Variants in GRIK2 observed in about 807,000 individuals in gnomAD.
GRIK2 encodes the protein glutamate ionotropic receptor kainate type subunit 2, also known as glutamate receptor ionotropic, kainate 2.
In GRIK2, 32 loss-of-function variants were observed where a neutral mutation model predicts 100.3. The observed-to-expected ratio is 0.32, with a 90% CI of 0.24 to 0.43. The LOEUF (loss-of-function observed/expected upper bound fraction) is 0.43, where lower values mean the gene tolerates loss of function less well. Among genes scored for constraint, GRIK2 ranks in the 20% least tolerant of loss-of-function variants. The pLI, the probability that GRIK2 is intolerant of heterozygous loss-of-function variation, is 1.00. For synonymous variants in GRIK2, 417 were observed against 389.4 expected, an observed-to-expected ratio of 1.07 and a Z score of -0.83; for missense variants, 843 against 1,114.9, an observed-to-expected ratio of 0.76 and a Z score of 3.47.
At chr6:101,611,716 ACTC>A (rs1474044659) in intron 2 of GRIK2, among the ~76,000 whole-genome samples, 1 of 151,230 alleles carries the variant, frequency 6.6e-6, no homozygotes, top group Non-Finnish European at 1.5e-5. Context: ...GAGACCAGAC[ACTC>A]CTCCTCGCCT....
In GRIK2 at chr6:101,467,869, C is replaced by T. The variant is rs536079632; in HGVS notation, c.115+68477C>T. On this transcript the variant is annotated intron_variant, in intron 2 of 16. Transcript: ENST00000369134. ...ATTTATAAATACCCAGTGTGGGCTGCTTTCATAGTCCTTCCTTATTTTTTT... is the reference window on the plus strand; with the variant it reads ...ATTTATAAATACCCAGTGTGGGCTGTTTTCATAGTCCTTCCTTATTTTTTT... Among the ~76,000 whole-genome samples, 15 of 146,690 alleles carry T rather than the reference C, an allele frequency of 1.0e-4. 1 individual carries two copies. In the South Asian group the frequency reaches 3.3e-3, roughly 32 times the overall value.
intron 2 of GRIK2, among the ~76,000 whole-genome samples, chr6:101,518,937 A>G (rs1774729352): frequency 6.6e-6 from 1 of 152,184 alleles, no homozygotes; most frequent in Non-Finnish European, 1.5e-5. Flanking sequence ...TGTTACATTT[A>G]TAGATGCATT....
At chr6:101,824,408 A>G (rs1456828822) in intron 10 of GRIK2, among the ~76,000 whole-genome samples, 1 of 152,124 alleles carries the variant, frequency 6.6e-6, no homozygotes, top group Non-Finnish European at 1.5e-5. Flanking sequence ...TTCCTGAGTT[A>G]CTTCACTTAG....
chr6:101,705,947 C>T lies in GRIK2; in HGVS notation c.951+19594C>T, dbSNP rs557600289. ...TGTAAGGAGACATGCAGATTTTAATCTTCTTGTTGCTACTGTATTAAATAT... is the reference window on the plus strand; with the variant it reads ...TGTAAGGAGACATGCAGATTTTAATTTTCTTGTTGCTACTGTATTAAATAT... On this transcript the variant is annotated intron_variant, in intron 7 of 16. Transcript: ENST00000369134. Among the ~76,000 whole-genome samples the T allele has an allele frequency of 5.1e-4, 78 of 151,984 alleles. 1 individual carries two copies. The South Asian group carries it at 0.015, about 30-fold the overall frequency.
chr6:102,063,365 A>G (rs1771849496), intron 16 of GRIK2, among the ~76,000 whole-genome samples: 1 of 150,842 alleles, frequency 6.6e-6, no homozygotes, highest in South Asian at 2.1e-4. Flanking sequence ...TGAAAGTAAC[A>G]TATTTTATGA....
chr6:101,946,432 G>A (rs1300806770), intron 14 of GRIK2, among the ~76,000 whole-genome samples: 3 of 152,042 alleles, frequency 2.0e-5, no homozygotes, highest in Non-Finnish European at 4.4e-5. Context: ...ACAGGAGGCT[G>A]AGGTGGGAGG....
intron 2 of GRIK2, among the ~76,000 whole-genome samples, chr6:101,530,145 T>C (rs2128284399): frequency 6.6e-6 from 1 of 152,172 alleles, no homozygotes; most frequent in Admixed American, 6.6e-5. Flanking sequence ...AAATAACATT[T>C]TTTAAACCTG....
chr6:101,802,695 G>T (rs879901546), intron 9 of GRIK2, among the ~76,000 whole-genome samples: 6 of 151,774 alleles, frequency 4.0e-5, no homozygotes, highest in African/African-American at 1.4e-4. Flanking sequence ...TGCATATAAT[G>T]TTAATTAGTC....
At chr6:101,958,379 A>G (rs1044864569) in intron 14 of GRIK2, among the ~76,000 whole-genome samples, 5 of 151,626 alleles carry the variant, frequency 3.3e-5, no homozygotes, top group Non-Finnish European at 5.9e-5. Context: ...TTGATTTTGT[A>G]TCCTGTAACT....
At chr6:101,572,686 T>C (rs1217852161) in intron 2 of GRIK2, among the ~76,000 whole-genome samples, 1 of 151,440 alleles carries the variant, frequency 6.6e-6, no homozygotes, top group Admixed American at 6.6e-5. Context: ...TGAGTTATTG[T>C]GTTTCTCAAG....
rs545540691 is a variant in GRIK2 at position 101,701,021 on chromosome 6, T to C, written c.951+14668T>C. Among the ~76,000 whole-genome samples, 3 of 152,210 alleles carry C rather than the reference T, an allele frequency of 2.0e-5. No individual in the cohort carries two copies. In the East Asian group the frequency reaches 5.8e-4, roughly 29 times the overall value. On this transcript the variant is annotated intron_variant, in intron 7 of 16. Coordinates refer to ENST00000369134, the MANE Select transcript of GRIK2 (RefSeq NM_021956.5). ...AAAAGCAGGGAGCTTGAAAAGGAGATGGTATTGATTGCAAACAGGAAAATT... is the reference window on the plus strand; with the variant it reads ...AAAAGCAGGGAGCTTGAAAAGGAGACGGTATTGATTGCAAACAGGAAAATT...
At chr6:101,841,016 A>T (rs1000986483) in intron 10 of GRIK2, among the ~76,000 whole-genome samples, 2 of 141,416 alleles carry the variant, frequency 1.4e-5, no homozygotes, top group Non-Finnish European at 3.0e-5. Flanking sequence ...TGTATGTCAC[A>T]GCTTTATGTC....
At chr6:101,410,076 GT>G (rs1562117529) in intron 2 of GRIK2, among the ~76,000 whole-genome samples, 1 of 152,006 alleles carries the variant, frequency 6.6e-6, no homozygotes, top group African/African-American at 2.4e-5. Context: ...TTTAATTGGT[GT>G]TCTCAAATAT....
intron 14 of GRIK2, among the ~76,000 whole-genome samples, chr6:102,016,620 A>G (rs1795851145): frequency 6.6e-6 from 1 of 151,928 alleles, no homozygotes; most frequent in South Asian, 2.1e-4. Context: ...AAAATATGGG[A>G]TTAGATAAGG....
chr6:101,487,514 C>A (rs1481850570), intron 2 of GRIK2, among the ~76,000 whole-genome samples: 1 of 146,820 alleles, frequency 6.8e-6, no homozygotes, highest in African/African-American at 2.6e-5. Context: ...GTTTTCTATT[C>A]TTTTGACAAA....
At chr6:102,026,510 G>C (rs954188905) in intron 14 of GRIK2, among the ~76,000 whole-genome samples, 3 of 150,986 alleles carry the variant, frequency 2.0e-5, no homozygotes, top group Non-Finnish European at 3.0e-5. Flanking sequence ...GATCAGGAAA[G>C]TTGAAGACAT....
chr6:101,857,459 T>C (rs1784486252), intron 10 of GRIK2, among the ~76,000 whole-genome samples: 2 of 152,004 alleles, frequency 1.3e-5, no homozygotes, highest in Non-Finnish European at 2.9e-5. Context: ...ATGAAAATAA[T>C]CTTGATTATT....
At chr6:101,748,362 G>T (rs912880847) in intron 7 of GRIK2, among the ~76,000 whole-genome samples, 4 of 152,026 alleles carry the variant, frequency 2.6e-5, no homozygotes, top group Non-Finnish European at 5.9e-5. Flanking sequence ...GATAAAATTT[G>T]TATTCTGGGA....
chr6:101,761,284 T>C (rs1174202095), intron 7 of GRIK2, among the ~76,000 whole-genome samples: 1 of 152,108 alleles, frequency 6.6e-6, no homozygotes. Flanking sequence ...TGAGCAATAA[T>C]AAAGGAAAAT....
Sources: gnomAD v4.1 joint callset for allele counts (sites outside exome capture counted in the v4.1 genomes callset) on GRCh38, gnomAD v4.1.1 for gene constraint, MANE v1.5 for transcripts, NCBI Gene and HGNC (gene_info 2026-07-23, HGNC 2026-07-21) for gene names.